The following RPA3 variants were observed in gnomAD, a reference collection of about 807,000 sequenced individuals.
RPA3 encodes the protein replication protein A 14 kDa subunit.
RPA3 carries 24 observed loss-of-function variants against 13.7 expected under a neutral mutation model. That is an observed-to-expected ratio of 1.75 (90% CI 1.27 to 2.46). The LOEUF (loss-of-function observed/expected upper bound fraction) is 2.46, where lower values mean the gene tolerates loss of function less well. Ranked by LOEUF, RPA3 falls within the 30% of genes most tolerant of loss-of-function variation. The pLI is 0.00. For missense variants in RPA3, 183 were observed against 151.0 expected (o/e 1.21, Z -1.11); for synonymous variants, 59 against 51.2 (o/e 1.15, Z -0.65).
chr7:7,716,890 GTA>G (rs1780922154), intron 1 of RPA3, among the ~76,000 whole-genome samples: 1 of 152,098 alleles, frequency 6.6e-6, no homozygotes. Flanking sequence ...AGCATGCTAT[GTA>G]AATGGCACAC....
chr7:7,708,569 A>G (rs1780666752), intron 2 of RPA3, among the ~76,000 whole-genome samples: 1 of 152,222 alleles, frequency 6.6e-6, no homozygotes, highest in South Asian at 2.1e-4. Flanking sequence ...AAACATTGAA[A>G]GGAAACCTTT....
chr7:7,713,473 C>T, intron 2 of RPA3, among the ~76,000 whole-genome samples: 1 of 151,924 alleles, frequency 6.6e-6, no homozygotes, highest in Non-Finnish European at 1.5e-5. Context: ...TGCTCCTCCC[C>T]CCCATGGCAA....
At chr7:7,644,358 T>C (rs960252512) in intron 4 of RPA3, among the ~76,000 whole-genome samples, 1 of 151,942 alleles carries the variant, frequency 6.6e-6, no homozygotes, top group Non-Finnish European at 1.5e-5. Context: ...TCCATCCTTT[T>C]TTTTTTTTTA....
chr7:7,680,833 T>C (rs1411172997), intron 4 of RPA3, among the ~76,000 whole-genome samples: 1 of 152,144 alleles, frequency 6.6e-6, no homozygotes, highest in Non-Finnish European at 1.5e-5. Context: ...CTTGGTTTCT[T>C]TTTCAAATTG....
At chr7:7,711,080 AACACTGGGGATT>A (rs1780751104) in intron 2 of RPA3, among the ~76,000 whole-genome samples, 1 of 152,204 alleles carries the variant, frequency 6.6e-6, no homozygotes, top group Non-Finnish European at 1.5e-5. Context: ...ATAGAAGGAT[AACACTGGGGATT>A]CTGGTGGTTA....
chr7:7,695,237 C>G (rs527524808), intron 2 of RPA3, among the ~76,000 whole-genome samples: 1 of 152,260 alleles, frequency 6.6e-6, no homozygotes, highest in East Asian at 1.9e-4. Flanking sequence ...TGCTGCCAAC[C>G]AAGTAGCCGT....
intron 4 of RPA3, among the ~76,000 whole-genome samples, chr7:7,684,671 A>T (rs1007555264): frequency 6.6e-6 from 1 of 152,222 alleles, no homozygotes; most frequent in Non-Finnish European, 1.5e-5. Context: ...TAATTATACA[A>T]TGTGAATTCC....
intron 4 of RPA3, among the ~76,000 whole-genome samples, chr7:7,681,859 A>T (rs1219212273): frequency 6.6e-6 from 1 of 152,166 alleles, no homozygotes; most frequent in Non-Finnish European, 1.5e-5. Flanking sequence ...AAGTTAGGAA[A>T]AGGGATATTG....
At chr7:7,716,915 A>G (rs1398236048) in intron 1 of RPA3, among the ~76,000 whole-genome samples, 1 of 152,138 alleles carries the variant, frequency 6.6e-6, no homozygotes, top group South Asian at 2.1e-4. Context: ...GGTCTGATCA[A>G]TCTCTCGTGC....
At chr7:7,706,418 G>T (rs1458264770) in intron 2 of RPA3, among the ~76,000 whole-genome samples, 1 of 152,078 alleles carries the variant, frequency 6.6e-6, no homozygotes, top group Non-Finnish European at 1.5e-5. Flanking sequence ...CAGAGCATGG[G>T]AACTGTACTA....
chr7:7,670,076 G>A (rs1244723104), intron 4 of RPA3, among the ~76,000 whole-genome samples: 7 of 152,122 alleles, frequency 4.6e-5, no homozygotes, highest in Non-Finnish European at 7.3e-5. Flanking sequence ...AAATTTTAAC[G>A]TTTCACTTAA....
At chr7:7,695,170 C>A (rs1196131072) in intron 2 of RPA3, among the ~76,000 whole-genome samples, 1 of 152,130 alleles carries the variant, frequency 6.6e-6, no homozygotes, top group Non-Finnish European at 1.5e-5. Flanking sequence ...TACCTGTTTG[C>A]CATTTGTACG....
At chr7:7,651,350 A>G (rs894364115) in intron 4 of RPA3, among the ~76,000 whole-genome samples, 1 of 152,128 alleles carries the variant, frequency 6.6e-6, no homozygotes, top group Admixed American at 6.6e-5. Context: ...TTTGGGGTTT[A>G]TAAGGGTACA....
chr7:7,684,014 C>T (rs777140136), intron 4 of RPA3, among the ~76,000 whole-genome samples: 29 of 152,182 alleles, frequency 1.9e-4, no homozygotes, highest in Admixed American at 4.6e-4. Flanking sequence ...AATCCATTGA[C>T]GCTCAACGCT....
chr7:7,697,638 C>G (rs981820915), intron 2 of RPA3, among the ~76,000 whole-genome samples: 4 of 152,070 alleles, frequency 2.6e-5, no homozygotes, highest in African/African-American at 9.7e-5. Flanking sequence ...TTTTTTTAAG[C>G]TGATATTATC....
At chr7:7,705,165 A>C (rs1351215007) in intron 2 of RPA3, among the ~76,000 whole-genome samples, 1 of 152,216 alleles carries the variant, frequency 6.6e-6, no homozygotes, top group African/African-American at 2.4e-5. Context: ...AAGAGATCTC[A>C]ACTTAGGAAT....
intron 2 of RPA3, among the ~76,000 whole-genome samples, chr7:7,698,870 CTTTTT>C (rs57968079): frequency 5.3e-5 from 7 of 131,956 alleles, no homozygotes; most frequent in Admixed American, 4.6e-4. Flanking sequence ...ACCCTCTTGT[CTTTTT>C]TTTTTTTTTT....
chr7:7,642,946 A>G (rs931026112), intron 4 of RPA3, among the ~76,000 whole-genome samples: 5 of 152,180 alleles, frequency 3.3e-5, no homozygotes, highest in Non-Finnish European at 5.9e-5. Context: ...ACAGAAACGT[A>G]TGTATCTTCT....
chr7:7,638,810 T>C (rs1303511360), intron 6 of RPA3: 3 of 330,826 alleles, frequency 9.1e-6, no homozygotes, highest in East Asian at 4.8e-5. Context: ...GATTTTATGG[T>C]CTTTCATAAG....
Sources: allele counts gnomAD v4.1 joint callset (sites outside exome capture counted in the v4.1 genomes callset), GRCh38; gene constraint gnomAD v4.1.1; transcripts MANE v1.5; gene names NCBI Gene and HGNC (gene_info 2026-07-23, HGNC 2026-07-21).